LRP1B: variants seen among roughly 807,000 people sequenced by gnomAD.
LRP1B encodes the protein LDL receptor related protein 1B.
In LRP1B, 217 loss-of-function variants were observed where a neutral mutation model predicts 556.6. The ratio of observed to expected loss-of-function variants is 0.39; its 90% CI spans 0.35 to 0.44. The LOEUF (loss-of-function observed/expected upper bound fraction) is 0.44. Ranked by LOEUF, LRP1B falls within the 20% of genes least tolerant of loss-of-function variation. The pLI is 1.00. For missense variants in LRP1B, 5,053 were observed against 5,620.8 expected, an observed-to-expected ratio of 0.90 and a Z score of 3.23; for synonymous variants, 2,047 against 1,865.8, an observed-to-expected ratio of 1.10 and a Z score of -2.50.
At chr2:141,459,216 A>G (rs765963717) in intron 3 of LRP1B, among the ~76,000 whole-genome samples, 60 of 152,264 alleles carry the variant, frequency 3.9e-4, no homozygotes, top group South Asian at 1.7e-3. Flanking sequence ...AACTTAGGCT[A>G]TAGAGGTATA....
chr2:141,807,819 G>T (rs1390910753), intron 2 of LRP1B, among the ~76,000 whole-genome samples: 2 of 151,980 alleles, frequency 1.3e-5, no homozygotes, highest in Admixed American at 1.3e-4. Context: ...TGACCATTTT[G>T]AGTAGATGCC....
chr2:140,716,088 T>C lies in LRP1B; in HGVS notation c.5908A>G (p.Thr1970Ala). 1 of 1,599,900 alleles carries C rather than the reference T, an allele frequency of 6.3e-7. No individual in the cohort carries two copies. The highest frequency in any genetic ancestry group is 2.2e-5 in the East Asian group (1 of 44,662). ...TCAATTAAGTTGAAACCATGATCTG[T>C]CCAATATATGTTACCTAGGAGAAAT... ...VDWIAGNIYW[T>A]DHGFNLIEVA... Residue 1970 changes from threonine (T) to alanine (A), a missense_variant, in exon 37 of 91, where the codon ACA (threonine) becomes GCA (alanine). Physicochemically the swap from Thr to Ala is moderately conservative, Grantham distance 58. Around this residue, in one of 5 missense-constraint regions of LRP1B, gnomAD observed 3,619 missense variants for 3,931.9 expected, o/e 0.92. Transcript: ENST00000389484.
rs146520108 is a variant in LRP1B, at chr2:140,769,234, C to T, written c.5737G>A (p.Val1913Met). The T allele has an allele frequency of 6.4e-5, 103 of 1,611,740 alleles. No homozygotes were observed. Among genetic ancestry groups the T allele is most frequent in the Admixed American group, 8.4e-5 (5 of 59,836 alleles). ...TTACCTGCATGGAAATCTATTCCCA[C>T]GGCAAATGAAGTTCCTGATATAGGC... The part of the protein sequence containing the change: ...LMPISGTSFA[V>M]GIDFHAENDT... The change falls in exon 35 of 91, where the codon GTG (valine) becomes ATG (methionine). Residue 1913 changes from valine to methionine, a missense_variant. Physicochemically the swap from Val to Met is conservative, Grantham distance 21. This residue lies in a region of LRP1B where 3,619 missense variants were observed against 3,931.9 expected (regional missense o/e 0.92). Coordinates refer to ENST00000389484, the MANE Select transcript of LRP1B (RefSeq NM_018557.3).
intron 6 of LRP1B, among the ~76,000 whole-genome samples, chr2:141,209,248 G>T (rs1291246820): frequency 6.6e-6 from 1 of 152,170 alleles, no homozygotes; most frequent in Non-Finnish European, 1.5e-5. Flanking sequence ...GTCGAATCAT[G>T]AGGGTGTTTA....
chr2:141,170,021 T>C (rs1309856473), intron 7 of LRP1B, among the ~76,000 whole-genome samples: 4 of 152,038 alleles, frequency 2.6e-5, no homozygotes, highest in African/African-American at 9.7e-5. Flanking sequence ...TCTTCCATAA[T>C]TGTGCTTTTG....
At chr2:140,781,885 T>A (rs1317718982) in intron 32 of LRP1B, among the ~76,000 whole-genome samples, 1 of 152,222 alleles carries the variant, frequency 6.6e-6, no homozygotes, top group Non-Finnish European at 1.5e-5. Flanking sequence ...TGCTTTTCCT[T>A]ATCGTTTCAT....
chr2:141,896,062 A>T (rs1472953460), intron 1 of LRP1B, among the ~76,000 whole-genome samples: 1 of 152,204 alleles, frequency 6.6e-6, no homozygotes, highest in Non-Finnish European at 1.5e-5. Context: ...TTTCCCATAG[A>T]AACAGTGTTC....
chr2:140,857,257 G>T (rs1692647329), intron 27 of LRP1B, among the ~76,000 whole-genome samples: 1 of 152,024 alleles, frequency 6.6e-6, no homozygotes, highest in Non-Finnish European at 1.5e-5. Flanking sequence ...CAATTTGTTA[G>T]GTAGAGAAAG....
At chr2:141,131,407 T>TTTTATATATATATATATATATATATATA (rs976965390) in intron 7 of LRP1B, among the ~76,000 whole-genome samples, 20 of 110,690 alleles carry the variant, frequency 1.8e-4, no homozygotes, top group African/African-American at 7.0e-4. Flanking sequence ...ATGCATAAAG[T>TTTTATATATATATATATATATATATATA]TATATATATA....
intron 3 of LRP1B, among the ~76,000 whole-genome samples, chr2:141,383,217 A>G (rs565059913): frequency 2.6e-5 from 4 of 152,308 alleles, no homozygotes; most frequent in East Asian, 1.9e-4. Context: ...TCAAAAGATG[A>G]TAAGTGTTAA....
chr2:141,874,750 A>G (rs1197489626), intron 1 of LRP1B, among the ~76,000 whole-genome samples: 5 of 152,004 alleles, frequency 3.3e-5, no homozygotes, highest in African/African-American at 7.2e-5. Context: ...AGGAAAAAAA[A>G]TAAAAAATAA....
intron 43 of LRP1B, among the ~76,000 whole-genome samples, chr2:140,594,814 C>T (rs78902033): frequency 0.01 from 1,530 of 151,986 alleles, 24 homozygotes; most frequent in African/African-American, 0.035. Context: ...TCCAGCACTC[C>T]TTTTTATTGT....
chr2:141,817,670 G>T (rs955107786), intron 1 of LRP1B, among the ~76,000 whole-genome samples: 1 of 151,738 alleles, frequency 6.6e-6, no homozygotes, highest in African/African-American at 2.4e-5. Context: ...CATCAATAGG[G>T]GTCTACTGCA....
At chr2:140,464,509 A>G (rs1419806170) in intron 60 of LRP1B, among the ~76,000 whole-genome samples, 1 of 152,210 alleles carries the variant, frequency 6.6e-6, no homozygotes, top group African/African-American at 2.4e-5. Context: ...GAAGTTTTAT[A>G]AAGCAGACTG....
intron 7 of LRP1B, among the ~76,000 whole-genome samples, chr2:141,187,845 TA>T (rs1045730007): frequency 2.2e-4 from 33 of 147,180 alleles, no homozygotes; most frequent in East Asian, 2.0e-4. Flanking sequence ...ATTGGGAAGT[TA>T]AAAAAAAAAG....
At chr2:142,090,861 GA>G (rs1487820136) in intron 1 of LRP1B, among the ~76,000 whole-genome samples, 1 of 152,052 alleles carries the variant, frequency 6.6e-6, no homozygotes, top group Non-Finnish European at 1.5e-5. Context: ...ACTAATATGA[GA>G]AGCTAAATAT....
chr2:141,021,013 C>T (rs1047205090), intron 11 of LRP1B, among the ~76,000 whole-genome samples: 1 of 152,006 alleles, frequency 6.6e-6, no homozygotes, highest in Non-Finnish European at 1.5e-5. Context: ...CGATTCCATT[C>T]TTCTGTTGCA....
chr2:140,925,778 G>A (rs920449226), intron 20 of LRP1B, among the ~76,000 whole-genome samples: 3 of 152,100 alleles, frequency 2.0e-5, no homozygotes, highest in African/African-American at 7.2e-5. Flanking sequence ...AAATTAGGGA[G>A]CGTCTTGGGC....
At chr2:142,010,458 G>T (rs1213883909) in intron 1 of LRP1B, among the ~76,000 whole-genome samples, 1 of 149,696 alleles carries the variant, frequency 6.7e-6, no homozygotes, top group Non-Finnish European at 1.5e-5. Flanking sequence ...GAGAGGCTGA[G>T]GCAGGAGAAT....
Sources: gnomAD v4.1 joint callset for allele counts (sites outside exome capture counted in the v4.1 genomes callset) on GRCh38, gnomAD v4.1.1 for gene constraint, gnomAD v4.1.1 regional missense constraint, MANE v1.5 for transcripts, NCBI Gene and HGNC (gene_info 2026-07-23, HGNC 2026-07-21) for gene names.